ESCO2: variants seen among roughly 807,000 people sequenced by gnomAD.
ESCO2 encodes the protein N-acetyltransferase ESCO2.
In ESCO2, 51 loss-of-function variants were observed where a neutral mutation model predicts 61.7. The ratio of observed to expected loss-of-function variants is 0.83; its 90% CI spans 0.66 to 1.04. ESCO2 has a LOEUF of 1.04. ESCO2 is among the 50% of genes least tolerant of loss of function. The pLI is 0.00. For missense variants in ESCO2, 692 were observed against 686.2 expected, an observed-to-expected ratio of 1.01 and a Z score of -0.09; for synonymous variants, 230 against 238.2, an observed-to-expected ratio of 0.97 and a Z score of 0.32.
chr8:27,818,663 A>T, the ESCO2 span, among the ~76,000 whole-genome samples: 1 of 144,604 alleles, frequency 6.9e-6, no homozygotes, highest in African/African-American at 2.7e-5. Flanking sequence ...TAGAAATATT[A>T]AATATCTTAT....
intron 9 of ESCO2, among the ~76,000 whole-genome samples, chr8:27,793,283 CT>C (rs1805218269): frequency 6.7e-6 from 1 of 149,272 alleles, no homozygotes; most frequent in South Asian, 2.2e-4. Context: ...TCAGTTTGGC[CT>C]TTTCCTTCCC....
chr8:27,804,112 T>C lies in ESCO2; in HGVS notation c.*674T>C. On this transcript the variant is annotated 3_prime_UTR_variant, in exon 11 of 11. Coordinates refer to ENST00000305188, the MANE Select transcript of ESCO2 (RefSeq NM_001017420.3). ...AGTTTGAATATCTTTAGAAAATGTT[T>C]AGAATTTATTTGTAACAAGATGGTA... 1 of 985,380 alleles carries C rather than the reference T, an allele frequency of 1.0e-6. No homozygotes were observed. Among genetic ancestry groups the C allele is most frequent in the Non-Finnish European group, 1.2e-6 (1 of 829,888 alleles). 61.0% of individuals were successfully genotyped at this position (985,380 alleles called of 1,614,324 possible).
rs1405299373 is a variant in ESCO2 at position 27,791,953 on chromosome 8, C to A, written c.1264-10C>A. The A allele has an allele frequency of 6.2e-7, 1 of 1,612,256 alleles. No homozygotes were observed. Among genetic ancestry groups the A allele is most frequent in the Non-Finnish European group, 8.5e-7 (1 of 1,179,298 alleles). ...AATTAAACTGTGACCCTTTTGTTTT[C>A]CTTTGGCAGGGTTGGAAGAAAGAAC... On this transcript the variant is annotated splice_polypyrimidine_tract_variant and intron_variant, in intron 7 of 10. Coordinates refer to ENST00000305188, the MANE Select transcript of ESCO2 (RefSeq NM_001017420.3).
intron 8 of ESCO2, 81 bp from the exon 9 acceptor site, chr8:27,792,587 T>C (rs1805201359): frequency 7.2e-7 from 1 of 1,391,764 alleles, no homozygotes; most frequent in African/African-American, 1.5e-5. Context: ...ACAGTAATCA[T>C]ACATTCTGTG....
chr8:27,772,669 G>C (rs1449250001), upstream of ESCO2: 9 of 888,626 alleles, frequency 1.0e-5, no homozygotes, highest in Admixed American at 1.1e-4. Flanking sequence ...GGACGTCGGG[G>C]CGCGTCATAA....
downstream of ESCO2, chr8:27,811,904 T>TA (rs2128961046): frequency 6.6e-6 from 1 of 152,338 alleles, no homozygotes. Flanking sequence ...TACTTGTAAA[T>TA]AGATTTTAAA....
chr8:27,807,018 T>C (rs1314021876), downstream of ESCO2, among the ~76,000 whole-genome samples: 7 of 152,344 alleles, frequency 4.6e-5, no homozygotes, highest in East Asian at 7.7e-4. Flanking sequence ...TCACAATCTT[T>C]CTAAACTTAA....
Position 27,791,946 on chromosome 8 carries a change from T to C in ESCO2, c.1264-17T>C, listed in dbSNP as rs537884891. The C allele has an allele frequency of 3.7e-5, 60 of 1,613,116 alleles. No individual in the cohort carries two copies. In the Middle Eastern group the frequency reaches 8.2e-4, roughly 22 times the overall value. The stretch of plus-strand genomic sequence containing the variant: ...CTTCACAAATTAAACTGTGACCCTT[T>C]TGTTTTCCTTTGGCAGGGTTGGAAG... On this transcript the variant is annotated splice_polypyrimidine_tract_variant and intron_variant, in intron 7 of 10. Transcript: ENST00000305188.
chr8:27,808,224 C>T, downstream of ESCO2: 3 of 1,244,814 alleles, frequency 2.4e-6, no homozygotes, highest in Non-Finnish European at 2.1e-6. Context: ...TACCAGGAGA[C>T]ATGAAAGAAT....
chr8:27,799,796 A>G, intron 10 of ESCO2, 80 bp downstream of exon 10: 1 of 1,514,276 alleles, frequency 6.6e-7, no homozygotes, highest in Non-Finnish European at 9.2e-7. Context: ...AGCTAAAGGG[A>G]AGGATATTGG....
At chr8:27,813,035 T>C (rs1245683649), downstream of ESCO2, among the ~76,000 whole-genome samples, 3 of 152,192 alleles carry the variant, frequency 2.0e-5, no homozygotes, top group South Asian at 2.1e-4. Context: ...ATGTTTATTG[T>C]GGCACTATTC....
At chr8:27,793,356 T>G (rs1424210214) in intron 9 of ESCO2, among the ~76,000 whole-genome samples, 1 of 152,186 alleles carries the variant, frequency 6.6e-6, no homozygotes, top group African/African-American at 2.4e-5. Flanking sequence ...ACATGTGATA[T>G]TTTGATATAG....
intron 7 of ESCO2, among the ~76,000 whole-genome samples, chr8:27,791,395 T>G (rs974425564): frequency 6.6e-6 from 1 of 152,188 alleles, no homozygotes; most frequent in African/African-American, 2.4e-5. Flanking sequence ...ACCTTCCCCA[T>G]TATGCTCACT....
downstream of ESCO2, chr8:27,808,061 A>G (rs1805597424): frequency 9.8e-6 from 2 of 203,372 alleles, no homozygotes; most frequent in Non-Finnish European, 1.9e-5. Context: ...TTGTTATAGT[A>G]GTCTAAGACG....
intron 4 of ESCO2, among the ~76,000 whole-genome samples, chr8:27,781,436 T>G (rs1804925433): frequency 6.6e-6 from 1 of 152,220 alleles, no homozygotes; most frequent in Admixed American, 6.5e-5. Flanking sequence ...TTTGCCATAA[T>G]TTTAGATTTA....
intron 4 of ESCO2, among the ~76,000 whole-genome samples, chr8:27,781,369 A>G (rs1042676765): frequency 5.9e-5 from 9 of 152,034 alleles, no homozygotes; most frequent in African/African-American, 7.3e-5. Context: ...TCAGCTTACT[A>G]TTTTCCTCAA....
downstream of ESCO2, among the ~76,000 whole-genome samples, chr8:27,816,174 C>T (rs1415972534): frequency 6.6e-6 from 1 of 151,766 alleles, no homozygotes; most frequent in African/African-American, 2.4e-5. Context: ...GTCATCTTGT[C>T]TCATTAGTAT....
downstream of ESCO2, among the ~76,000 whole-genome samples, chr8:27,815,456 A>G (rs1805791563): frequency 6.6e-6 from 1 of 152,222 alleles, no homozygotes; most frequent in Non-Finnish European, 1.5e-5. Context: ...CATGGACATT[A>G]TAAGCTCCTT....
downstream of ESCO2, chr8:27,812,078 C>A (rs981471846): frequency 1.3e-5 from 2 of 152,082 alleles, no homozygotes; most frequent in Admixed American, 1.3e-4. Flanking sequence ...CATTTTCTTG[C>A]CTTATTTTAG....
Sources: allele counts gnomAD v4.1 joint callset (sites outside exome capture counted in the v4.1 genomes callset), GRCh38; gene constraint gnomAD v4.1.1; transcripts MANE v1.5; gene names NCBI Gene and HGNC (gene_info 2026-07-23, HGNC 2026-07-21).